Variants in INPP4B observed in about 807,000 individuals in gnomAD.
The protein encoded by INPP4B is inositol polyphosphate-4-phosphatase type II B, also known as inositol polyphosphate 4-phosphatase type II.
In INPP4B, 55 loss-of-function variants were observed where a neutral mutation model predicts 122.5. That is an observed-to-expected ratio of 0.45 (90% confidence interval 0.36 to 0.56). INPP4B has a LOEUF of 0.56. Among genes scored for constraint, INPP4B ranks in the 20% least tolerant of loss-of-function variants. The pLI is 0.00. For missense variants in INPP4B, 1,000 were observed against 1,097.7 expected, an observed-to-expected ratio of 0.91 and a Z score of 1.26; for synonymous variants, 403 against 388.7, an observed-to-expected ratio of 1.04 and a Z score of -0.43.
At chr4:142,247,227 T>C (rs1392001312) in intron 11 of INPP4B, among the ~76,000 whole-genome samples, 1 of 152,214 alleles carries the variant, frequency 6.6e-6, no homozygotes, top group East Asian at 1.9e-4. Context: ...CGCATCAATA[T>C]TCATCAGGGA....
intron 8 of INPP4B, among the ~76,000 whole-genome samples, chr4:142,311,786 G>A (rs887994713): frequency 2.0e-5 from 3 of 152,134 alleles, no homozygotes; most frequent in Admixed American, 1.3e-4. Context: ...GGAAATTATT[G>A]TTTTCCAGAA....
chr4:142,709,538 T>A (rs1306651328), intron 2 of INPP4B, among the ~76,000 whole-genome samples: 5 of 152,254 alleles, frequency 3.3e-5, no homozygotes, highest in African/African-American at 1.2e-4. Flanking sequence ...TGAGTTCTCA[T>A]GAGATCTGAT....
intron 7 of INPP4B, among the ~76,000 whole-genome samples, chr4:142,368,448 C>T (rs1365422805): frequency 6.6e-6 from 1 of 151,986 alleles, no homozygotes. Flanking sequence ...TCTTTTTCAT[C>T]ATCTATATAA....
At chr4:142,772,936 C>G (rs1773310724) in intron 1 of INPP4B, among the ~76,000 whole-genome samples, 1 of 152,042 alleles carries the variant, frequency 6.6e-6, no homozygotes, top group African/African-American at 2.4e-5. Flanking sequence ...ATCCCAACTA[C>G]TTGATAGGCT....
chr4:142,104,346 A>G (rs1006111192), intron 23 of INPP4B, among the ~76,000 whole-genome samples: 10 of 152,146 alleles, frequency 6.6e-5, no homozygotes, highest in Non-Finnish European at 1.2e-4. Context: ...CACAAAATGT[A>G]AGTGTCTGAA....
intron 14 of INPP4B, among the ~76,000 whole-genome samples, chr4:142,205,507 A>AT (rs1164139794): frequency 6.6e-6 from 1 of 152,108 alleles, no homozygotes; most frequent in Non-Finnish European, 1.5e-5. Flanking sequence ...TACTTGATCA[A>AT]TTTTCTCCAA....
intron 2 of INPP4B, among the ~76,000 whole-genome samples, chr4:142,607,543 T>C (rs1214302667): frequency 6.6e-6 from 1 of 152,136 alleles, no homozygotes; most frequent in African/African-American, 2.4e-5. Flanking sequence ...AGAGAATATA[T>C]ATTGGATTTG....
In INPP4B at chr4:142,114,495, A is replaced by G. The variant is rs936223881; in HGVS notation, c.2136-1813T>C. 1.3e-5 allele frequency among the ~76,000 whole-genome samples: 2 copies of G among 152,064 alleles called. 1 individual carries two copies. The highest frequency in any genetic ancestry group is 4.1e-4 in the South Asian group (2 of 4,832). ...AAGGAAATGGTATCTGTGATTTTAA[A>G]TTTATTCTCCTAGTGAGGAATTATG... is the stretch of plus-strand genomic sequence containing the variant. On this transcript the variant is annotated intron_variant, in intron 21 of 25. Transcript: ENST00000262992.
At chr4:142,158,003 G>A (rs940337094) in intron 17 of INPP4B, among the ~76,000 whole-genome samples, 5 of 151,928 alleles carry the variant, frequency 3.3e-5, no homozygotes, top group Non-Finnish European at 2.9e-5. Context: ...GGACCCTACC[G>A]TTGACTTTCT....
intron 1 of INPP4B, among the ~76,000 whole-genome samples, chr4:142,770,248 G>A (rs1485937215): frequency 1.3e-5 from 2 of 152,100 alleles, no homozygotes; most frequent in Non-Finnish European, 2.9e-5. Flanking sequence ...TATTCCATTG[G>A]TTGGAAGTAA....
At chr4:142,076,203 T>A (rs774558829) in intron 25 of INPP4B, among the ~76,000 whole-genome samples, 1 of 152,036 alleles carries the variant, frequency 6.6e-6, no homozygotes, top group Non-Finnish European at 1.5e-5. Flanking sequence ...AATAGAATAC[T>A]ATGACAATCT....
At chr4:142,367,205 T>C (rs1359013893) in intron 7 of INPP4B, among the ~76,000 whole-genome samples, 1 of 151,716 alleles carries the variant, frequency 6.6e-6, no homozygotes, top group African/African-American at 2.4e-5. Flanking sequence ...TGTGTGTGTG[T>C]GTGTGTGTGT....
At chr4:142,732,781 T>C (rs1766299233) in intron 1 of INPP4B, among the ~76,000 whole-genome samples, 1 of 152,124 alleles carries the variant, frequency 6.6e-6, no homozygotes, top group Admixed American at 6.6e-5. Context: ...ATATTCATGG[T>C]AATCACAACC....
At chr4:142,798,527 G>A (rs1777572703) in intron 1 of INPP4B, among the ~76,000 whole-genome samples, 1 of 151,788 alleles carries the variant, frequency 6.6e-6, no homozygotes, top group Non-Finnish European at 1.5e-5. Context: ...AAGAGGAGAG[G>A]TGCTAATACC....
chr4:142,179,944 A>G (rs2152973225), intron 15 of INPP4B, among the ~76,000 whole-genome samples: 1 of 152,234 alleles, frequency 6.6e-6, no homozygotes, highest in East Asian at 1.9e-4. Flanking sequence ...TAATACCCAA[A>G]CCTGGTCTCC....
chr4:142,433,314 A>G (rs1809733895), intron 3 of INPP4B, among the ~76,000 whole-genome samples: 1 of 152,128 alleles, frequency 6.6e-6, no homozygotes, highest in African/African-American at 2.4e-5. Flanking sequence ...TGGTTGTTGT[A>G]TACCACAAGC....
At chr4:142,693,766 A>C (rs1248488946) in intron 2 of INPP4B, among the ~76,000 whole-genome samples, 1 of 152,104 alleles carries the variant, frequency 6.6e-6, no homozygotes, top group African/African-American at 2.4e-5. Context: ...AATTCAAATG[A>C]TATATGTTGT....
chr4:142,631,419 T>C (rs1235475650), intron 2 of INPP4B, among the ~76,000 whole-genome samples: 1 of 151,896 alleles, frequency 6.6e-6, no homozygotes, highest in Non-Finnish European at 1.5e-5. Flanking sequence ...AGGATAAAAA[T>C]GCCAAAAAGA....
intron 3 of INPP4B, among the ~76,000 whole-genome samples, chr4:142,459,760 G>C (rs778422009): frequency 6.6e-6 from 1 of 152,122 alleles, no homozygotes; most frequent in Non-Finnish European, 1.5e-5. Context: ...TCCTAGCACT[G>C]TTAGTTCATA....
Sources: allele counts gnomAD v4.1 joint callset (sites outside exome capture counted in the v4.1 genomes callset), GRCh38; gene constraint gnomAD v4.1.1; transcripts MANE v1.5; gene names NCBI Gene and HGNC (gene_info 2026-07-23, HGNC 2026-07-21).